The following RSPH6A variants were observed in gnomAD, a reference collection of about 807,000 sequenced individuals.
The protein encoded by RSPH6A is radial spoke head 6 homolog A.
In RSPH6A, 49 loss-of-function variants were observed where a neutral mutation model predicts 66.1. The ratio of observed to expected loss-of-function variants is 0.74; its 90% CI spans 0.59 to 0.94. The LOEUF is 0.94. RSPH6A is among the 40% of genes least tolerant of loss of function. The pLI is 0.00. For missense variants in RSPH6A, 977 were observed against 948.3 expected (o/e 1.03, Z -0.40); for synonymous variants, 419 against 402.4 (o/e 1.04, Z -0.49).
chr19:45,806,431 G>C (rs968519517), intron 2 of RSPH6A, among the ~76,000 whole-genome samples: 1 of 152,080 alleles, frequency 6.6e-6, no homozygotes, highest in Non-Finnish European at 1.5e-5. Flanking sequence ...CCAGCACTTT[G>C]GGAGGCCAAG....
rs188701101 is a variant in RSPH6A, at chr19:45,802,910, C to G, written c.1654-646G>C. Reference sequence around the variant, plus strand: ...GAAAGCTCCGCCTCCTGGGTTCACGCCATTCTCCTACCTCAGCCTCCCAAG... The same window carrying G: ...GAAAGCTCCGCCTCCTGGGTTCACGGCATTCTCCTACCTCAGCCTCCCAAG... On this transcript the variant is annotated intron_variant, in intron 3 of 5. Transcript: ENST00000221538. 6.5e-3 allele frequency among the ~76,000 whole-genome samples: 981 copies of G among 151,178 alleles called. 9 individuals carry two copies. Among genetic ancestry groups the G allele is most frequent in the African/African-American group, 0.021 (881 of 41,274 alleles).
Position 45,815,114 on chromosome 19 carries a change from A to C in RSPH6A, c.63T>G (p.Ser21=). 6.2e-7 allele frequency: 1 copy of C among 1,612,576 alleles called. No individual in the cohort carries two copies. Among genetic ancestry groups the C allele is most frequent in the Non-Finnish European group, 8.5e-7 (1 of 1,179,992 alleles). ...PAQQPPGRRT[S]QASQRRHSRD... Reference sequence around the variant, plus strand: ...GACTGTGCCGCCTCTGGGAGGCCTGAGAAGTCCTCCGGCCCGGAGGCTGCT... The same window carrying C: ...GACTGTGCCGCCTCTGGGAGGCCTGCGAAGTCCTCCGGCCCGGAGGCTGCT... The change falls in exon 1 of 6, where the codon TCT becomes TCG. Residue 21 remains serine, a synonymous_variant. Transcript: ENST00000221538.
At position 45,803,625 on chromosome 19, in the gene RSPH6A, C is replaced by T. The variant is rs181808621; in HGVS notation, c.1653+627G>A. ...TAGGGAGGCGGAGGTTGCGGTGAGC[C>T]GAGATCACGCCATTGTACTCCAGCC... On this transcript the variant is annotated intron_variant, in intron 3 of 5. Coordinates refer to ENST00000221538, the MANE Select transcript of RSPH6A (RefSeq NM_030785.4). Among the ~76,000 whole-genome samples, 12 of 149,618 alleles carry T rather than the reference C, an allele frequency of 8.0e-5. No homozygotes were observed. In the East Asian group the frequency reaches 1.6e-3, roughly 20 times the overall value.
intron 4 of RSPH6A, among the ~76,000 whole-genome samples, 162 bp downstream of exon 4, chr19:45,801,958 C>T (rs1483765799): frequency 1.3e-5 from 2 of 152,218 alleles, no homozygotes; most frequent in Non-Finnish European, 2.9e-5. Context: ...TTCCCAGAAC[C>T]TCCTGATGGG....
intron 2 of RSPH6A, among the ~76,000 whole-genome samples, chr19:45,809,739 G>T (rs1377951002): frequency 1.3e-5 from 2 of 152,232 alleles, no homozygotes; most frequent in African/African-American, 4.8e-5. Context: ...AAGGCCGGGA[G>T]CAGAGACTCC....
rs1568599360 is a variant in RSPH6A, at chr19:45,804,720, G to A, written c.1185C>T (p.Asp395=). 7 of 1,612,386 alleles carry A rather than the reference G, an allele frequency of 4.3e-6. No homozygotes were observed. The highest frequency in any genetic ancestry group is 2.7e-5 in the African/African-American group (2 of 74,474). Residue 395 remains aspartate (D), a synonymous_variant, in exon 3 of 6, where the codon GAC becomes GAT. Transcript: ENST00000221538. This position sits in a 1 kb window ranked among gnomAD's most constrained non-coding sequence, Gnocchi z 5.8. The part of the protein sequence containing the change: ...EAHGEEEGEE[D]EEKAVDIVPK... The stretch of plus-strand genomic sequence containing the variant: ...GGACGATGTCCACGGCCTTCTCCTC[G>A]TCCTCCTCGCCCTCCTCCTCGCCGT...
intron 2 of RSPH6A, among the ~76,000 whole-genome samples, chr19:45,809,003 CT>C (rs35881550): frequency 1.5e-4 from 18 of 120,128 alleles, no homozygotes; most frequent in Non-Finnish European, 2.6e-4. Context: ...TTGTTTTTTG[CT>C]TTTTTTTTTT....
chr19:45,810,126 T>C (rs948286370), intron 2 of RSPH6A, among the ~76,000 whole-genome samples: 1 of 152,184 alleles, frequency 6.6e-6, no homozygotes, highest in Non-Finnish European at 1.5e-5. Flanking sequence ...CCGGCCAACA[T>C]AGCAAGACCC....
Position 45,814,880 on chromosome 19 carries a change from C to A in RSPH6A, c.297G>T (p.Gln99His), listed in dbSNP as rs745999630. 2 of 1,614,126 alleles carry A rather than the reference C, an allele frequency of 1.2e-6. No homozygotes were observed. The highest frequency in any genetic ancestry group is 1.1e-5 in the South Asian group (1 of 91,084). Residue 99 changes from glutamine to histidine, a missense_variant, in exon 1 of 6, where the codon CAG becomes CAT. By Grantham distance (24) the Gln-to-His change is conservative. Coordinates refer to ENST00000221538, the MANE Select transcript of RSPH6A (RefSeq NM_030785.4). ...TGCTTTCATCAGAGTAAGGCTGAGGCTGGAACTCTGAGGGAAAGCCCGTGT... is the reference window on the plus strand; with the variant it reads ...TGCTTTCATCAGAGTAAGGCTGAGGATGGAACTCTGAGGGAAAGCCCGTGT... Reference protein sequence around the residue: ...SVNTGFPSEFQPQPYSDESRM... With the variant: ...SVNTGFPSEFHPQPYSDESRM...
chr19:45,801,063 GC>G (rs1970468496), intron 4 of RSPH6A, among the ~76,000 whole-genome samples: 1 of 152,194 alleles, frequency 6.6e-6, no homozygotes, highest in African/African-American at 2.4e-5. Flanking sequence ...CCCCCAAAGT[GC>G]TGGGATTACA....
intron 2 of RSPH6A, among the ~76,000 whole-genome samples, chr19:45,807,766 C>T (rs866416112): frequency 2.0e-5 from 3 of 152,178 alleles, no homozygotes; most frequent in Non-Finnish European, 2.9e-5. Flanking sequence ...CCGCTTTGGC[C>T]TCCCAAAGTG....
intron 2 of RSPH6A, among the ~76,000 whole-genome samples, chr19:45,806,841 C>T (rs1451371561): frequency 2.0e-5 from 3 of 152,076 alleles, no homozygotes; most frequent in Middle Eastern, 3.4e-3. Flanking sequence ...GGCCACAAGG[C>T]TGTCCCCAAC....
chr19:45,814,186 G>A (rs1970667702), intron 1 of RSPH6A, among the ~76,000 whole-genome samples: 1 of 151,986 alleles, frequency 6.6e-6, no homozygotes, highest in Non-Finnish European at 1.5e-5. Flanking sequence ...GAGGGCTTGG[G>A]GAGCCAAATC....
intron 5 of RSPH6A, 143 bp downstream of exon 5, chr19:45,800,303 G>A (rs565575118): frequency 1.5e-5 from 10 of 667,534 alleles, no homozygotes; most frequent in South Asian, 5.6e-5. Context: ...GAAACTCCTA[G>A]GAGCTATGAG....
At chr19:45,814,461 G>A in intron 1 of RSPH6A, 66 bp downstream of exon 1, 1 of 1,401,100 alleles carries the variant, frequency 7.1e-7, no homozygotes. Flanking sequence ...GACTGAGGCA[G>A]GCACTTCGGG....
intron 2 of RSPH6A, among the ~76,000 whole-genome samples, chr19:45,809,149 C>T (rs1362346344): frequency 2.0e-5 from 3 of 150,800 alleles, no homozygotes; most frequent in African/African-American, 7.3e-5. Context: ...CTACAGGCGC[C>T]TGCCTCCACG....
chr19:45,803,066 G>A (rs1004121565), intron 3 of RSPH6A, among the ~76,000 whole-genome samples: 2 of 151,636 alleles, frequency 1.3e-5, no homozygotes, highest in African/African-American at 2.4e-5. Flanking sequence ...AAAAATAGCC[G>A]GGCATGGTGG....
chr19:45,797,970 C>A (rs890948245), intron 5 of RSPH6A, among the ~76,000 whole-genome samples: 2 of 152,100 alleles, frequency 1.3e-5, no homozygotes, highest in Non-Finnish European at 2.9e-5. Context: ...GCGAATTCAG[C>A]CTTTCTGCAG....
At chr19:45,796,674 A>T (rs760456918) in intron 5 of RSPH6A, among the ~76,000 whole-genome samples, 2 of 151,718 alleles carry the variant, frequency 1.3e-5, no homozygotes, top group Admixed American at 1.3e-4. Context: ...CACCTCGCCC[A>T]GCTAATTTTT....
Sources: gnomAD v4.1 joint callset for allele counts (sites outside exome capture counted in the v4.1 genomes callset) on GRCh38, gnomAD v4.1.1 for gene constraint, Gnocchi (gnomAD v3.1) non-coding constraint, MANE v1.5 for transcripts, NCBI Gene and HGNC (gene_info 2026-07-23, HGNC 2026-07-21) for gene names.